The following NACA variants were observed in gnomAD, a reference collection of about 807,000 sequenced individuals.
NACA encodes the protein nascent polypeptide associated complex subunit alpha.
In NACA, 42 loss-of-function variants were observed where a neutral mutation model predicts 86.4. The ratio of observed to expected loss-of-function variants is 0.49; its 90% CI spans 0.38 to 0.63. The LOEUF (loss-of-function observed/expected upper bound fraction) is 0.63. Among genes scored for constraint, NACA ranks in the 20% least tolerant of loss-of-function variants. The pLI is 0.00. For synonymous variants in NACA, 898 were observed against 973.7 expected, an observed-to-expected ratio of 0.92 and a Z score of 1.45; for missense variants, 2,157 against 2,483.6, an observed-to-expected ratio of 0.87 and a Z score of 2.80.
chr12:56,712,996 T>C (rs939766615), intron 7 of NACA, 66 bp downstream of exon 7: 52 of 1,610,986 alleles, frequency 3.2e-5, no homozygotes, highest in Admixed American at 5.0e-5. Context: ...GTTTTTAATA[T>C]AGCTCACCAA....
At chr12:56,714,253 T>C (rs1167639300) in intron 5 of NACA, 109 bp downstream of exon 5, 4 of 1,150,068 alleles carry the variant, frequency 3.5e-6, no homozygotes, top group Non-Finnish European at 5.0e-6. Context: ...CTAGAGAACT[T>C]ACTTGTATAA....
chr12:56,722,000 T>A (rs1054622626), intron 2 of NACA, among the ~76,000 whole-genome samples: 16 of 152,220 alleles, frequency 1.1e-4, no homozygotes, highest in Non-Finnish European at 1.9e-4. Flanking sequence ...CTGAACTGAA[T>A]AAGAAAACAC....
rs1297992978 is a variant in NACA, at chr12:56,715,965, G to T, written c.5565C>A (p.Phe1855Leu). The T allele has an allele frequency of 1.3e-6, 2 of 1,554,832 alleles. No homozygotes were observed. Among genetic ancestry groups the T allele is most frequent in the East Asian group, 2.3e-5 (1 of 44,368 alleles). Reference sequence around the variant, plus strand: ...TGGGCATGTTGACGAGGACCGACTGGAAAGGCACTCCCCCAGAGATTGGTT... The same window carrying T: ...TGGGCATGTTGACGAGGACCGACTGTAAAGGCACTCCCCCAGAGATTGGTT... ...PPEPISGGVPFQSVLVNMPTP... is the reference protein window; with the variant it reads ...PPEPISGGVPLQSVLVNMPTP... The change falls in exon 3 of 9, where the codon TTC becomes TTA. Residue 1855 changes from phenylalanine (F) to leucine (L), a missense_variant. Coordinates refer to ENST00000454682, the MANE Select transcript of NACA (RefSeq NM_001365896.1).
rs1256857257 is a variant in NACA, at chr12:56,715,883, T to A, written c.5647A>T (p.Lys1883Ter). ...PTPSAKQPVT[K>*]NNKGSGTESD... is the part of the protein sequence containing the mutation. Reference sequence around the variant, plus strand: ...CCAAGGCAAATACCCTTGTTGTTCTTCGTAACAGGTTGCTTGGCAGAGGGG... The same window carrying A: ...CCAAGGCAAATACCCTTGTTGTTCTACGTAACAGGTTGCTTGGCAGAGGGG... Residue 1883 changes from lysine to a stop codon, truncating the protein, a stop_gained, in exon 3 of 9, where the codon AAG becomes TAG. Coordinates refer to ENST00000454682, the MANE Select transcript of NACA (RefSeq NM_001365896.1). LOFTEE classifies it high-confidence loss of function. The A allele has an allele frequency of 6.6e-7, 1 of 1,515,622 alleles. No individual in the cohort carries two copies. Among genetic ancestry groups the A allele is most frequent in the South Asian group, 1.3e-5 (1 of 74,984 alleles). 93.9% of individuals were successfully genotyped at this position (1,515,622 alleles called of 1,614,324 possible). A position where few individuals can be genotyped will look rare whatever the true frequency, so the allele number is the denominator to read the frequency against.
At chr12:56,724,759 C>T (rs1953666534) in intron 1 of NACA, 1 of 515,708 alleles carries the variant, frequency 1.9e-6, no homozygotes, top group Non-Finnish European at 3.5e-6. Flanking sequence ...GAGAGGATCC[C>T]GGGCTGGCTC....
chr12:56,721,274 A>T lies in NACA; in HGVS notation c.256T>A (p.Ser86Thr). Residue 86 changes from serine to threonine, a missense_variant, in exon 3 of 9, where the codon TCC becomes ACC. Ser to Thr is a moderately conservative substitution (Grantham distance 58). Around this residue, in one of 8 missense-constraint regions of NACA, gnomAD observed 947 missense variants for 917.9 expected, o/e 1.03. Coordinates refer to ENST00000454682, the MANE Select transcript of NACA (RefSeq NM_001365896.1). Reference protein sequence around the residue: ...TPLEVPFPQSSSGTALPLGTA... With the variant: ...TPLEVPFPQSTSGTALPLGTA... ...CCCAAAGGTAGGGCTGTTCCAGAGG[A>T]TGACTGGGGAAAAGGAACTTCTAAA... 6.2e-7 allele frequency: 1 copy of T among 1,612,928 alleles called. No individual in the cohort carries two copies. The highest frequency in any genetic ancestry group is 8.5e-7 in the Non-Finnish European group (1 of 1,179,460).
At chr12:56,723,379 T>C (rs1953624293) in intron 2 of NACA, among the ~76,000 whole-genome samples, 1 of 152,236 alleles carries the variant, frequency 6.6e-6, no homozygotes, top group South Asian at 2.1e-4. Flanking sequence ...ATTTGTAAAA[T>C]TAAGTTGTTC....
rs751196720 is a variant in NACA, at chr12:56,721,076, CAG to C, written c.452_453del (p.Ser151CysfsTer5). ...ALAPHSVQKS[S>X]AFPPNLLTSP... Reference sequence around the variant, plus strand: ...GAAGTAAGAAGGTTAGGTGGAAAAGCAGAACTCTTCTGAACTGAGTGGGGAGC... The same window carrying C: ...GAAGTAAGAAGGTTAGGTGGAAAAGCAACTCTTCTGAACTGAGTGGGGAGC... On this transcript the variant is annotated frameshift_variant, in exon 3 of 9. Coordinates refer to ENST00000454682, the MANE Select transcript of NACA (RefSeq NM_001365896.1). LOFTEE classifies it high-confidence loss of function. 2.5e-6 allele frequency: 4 copies of C among 1,613,780 alleles called. No individual in the cohort carries two copies. The African/African-American group carries it at 5.3e-5, about 22-fold the overall frequency.
At chr12:56,724,200 G>A (rs1428578137) in intron 2 of NACA, among the ~76,000 whole-genome samples, 2 of 152,180 alleles carry the variant, frequency 1.3e-5, no homozygotes, top group East Asian at 1.9e-4. Context: ...CCACAGGAGA[G>A]CTTCTTTTGA....
rs369653107 is a variant in NACA at position 56,718,972 on chromosome 12, G to A, written c.2558C>T (p.Thr853Met). 2.8e-5 allele frequency: 40 copies of A among 1,447,210 alleles called. No individual in the cohort carries two copies. Among genetic ancestry groups the A allele is most frequent in the African/African-American group, 1.1e-4 (8 of 71,606 alleles). The allele number at this position is 1,447,210 out of a possible 1,614,324, so 89.6% of individuals were successfully genotyped here. ...FQGSKDSPAT[T>M]HSPTPPSPKG... ...GGGGGATGGAGGAGTGGGAGAATGCGTCGTGGCTGGTGAGTCTTTAGAGCC... is the reference window on the plus strand; with the variant it reads ...GGGGGATGGAGGAGTGGGAGAATGCATCGTGGCTGGTGAGTCTTTAGAGCC... Residue 853 changes from threonine (T) to methionine (M), a missense_variant, in exon 3 of 9, where the codon ACG (threonine) becomes ATG (methionine). Physicochemically the swap from Thr to Met is moderately conservative, Grantham distance 81 (BLOSUM62 -1). Around this residue, in one of 8 missense-constraint regions of NACA, gnomAD observed 174 missense variants for 217.0 expected, o/e 0.80. Coordinates refer to ENST00000454682, the MANE Select transcript of NACA (RefSeq NM_001365896.1).
chr12:56,724,227 T>C (rs1045268836), intron 2 of NACA, among the ~76,000 whole-genome samples: 5 of 152,108 alleles, frequency 3.3e-5, no homozygotes, highest in Non-Finnish European at 5.9e-5. Context: ...AGGCATAACA[T>C]AGAAAGCAAG....
intron 6 of NACA, 63 bp downstream of exon 6, chr12:56,713,474 T>C: frequency 1.3e-6 from 2 of 1,564,044 alleles, no homozygotes; most frequent in African/African-American, 1.4e-5. Context: ...TGACGCAAAA[T>C]GTCAGCAGTG....
rs559590703 is a variant in NACA at position 56,714,688 on chromosome 12, C to G, written c.5660-1G>C. The G allele has an allele frequency of 6.2e-7, 1 of 1,614,008 alleles. No individual in the cohort carries two copies. Among genetic ancestry groups the G allele is most frequent in the Admixed American group, 1.7e-5 (1 of 60,002 alleles). On this transcript the variant is annotated splice_acceptor_variant, in intron 3 of 8. Coordinates refer to ENST00000454682, the MANE Select transcript of NACA (RefSeq NM_001365896.1). LOFTEE classifies it high-confidence loss of function. ...TCACTGTCAGATTCTGTTCCAGACC[C>G]TAAGATGAGAAACAACTTTTACTGC...
Position 56,721,477 on chromosome 12 carries a change from G to T in NACA, c.71-18C>A, listed in dbSNP as rs371710098. ...TAGCACAGCTGGAGAAAGGCAAAAG[G>T]AGATAAAGAAAGGGGGAGGGGGAGG... On this transcript the variant is annotated intron_variant, in intron 2 of 8. Coordinates refer to ENST00000454682, the MANE Select transcript of NACA (RefSeq NM_001365896.1). The T allele has an allele frequency of 7.0e-5, 100 of 1,434,838 alleles. No individual in the cohort carries two copies. The African/African-American group carries it at 1.2e-3, about 17-fold the overall frequency. 88.9% of individuals were successfully genotyped at this position (1,434,838 alleles called of 1,614,324 possible). A position where few individuals can be genotyped will look rare whatever the true frequency, so the allele number is the denominator to read the frequency against.
rs765468257 is a variant in NACA, at chr12:56,721,078, G to A, written c.452C>T (p.Ser151Phe). 19 of 1,613,814 alleles carry A rather than the reference G, an allele frequency of 1.2e-5. No homozygotes were observed. The Admixed American group carries it at 3.2e-4, about 27-fold the overall frequency. Reference protein sequence around the residue: ...ALAPHSVQKSSAFPPNLLTSP... With the variant: ...ALAPHSVQKSFAFPPNLLTSP... ...AGTAAGAAGGTTAGGTGGAAAAGCA[G>A]AACTCTTCTGAACTGAGTGGGGAGC... Residue 151 changes from serine to phenylalanine, a missense_variant, in exon 3 of 9, where the codon TCT (serine) becomes TTT (phenylalanine). This residue lies in a region of NACA where 947 missense variants were observed against 917.9 expected (regional missense o/e 1.03). Coordinates refer to ENST00000454682, the MANE Select transcript of NACA (RefSeq NM_001365896.1).
Position 56,719,946 on chromosome 12 carries a change from T to C in NACA, c.1584A>G (p.Thr528=), listed in dbSNP as rs1218426339. The C allele has an allele frequency of 6.2e-7, 1 of 1,613,738 alleles. No homozygotes were observed. The highest frequency in any genetic ancestry group is 8.5e-7 in the Non-Finnish European group (1 of 1,179,866). ...LPSSVLVKFP[T]QKDLQTVPAS... Reference sequence around the variant, plus strand: ...CAGGTACAGTTTGGAGGTCTTTTTGTGTTGGAAATTTAACCAATACTGAAC... The same window carrying C: ...CAGGTACAGTTTGGAGGTCTTTTTGCGTTGGAAATTTAACCAATACTGAAC... Residue 528 remains threonine, a synonymous_variant, in exon 3 of 9, where the codon ACA becomes ACG. Transcript: ENST00000454682.
In NACA at chr12:56,717,005, T is replaced by A. The variant is rs1157501189; in HGVS notation, c.4525A>T (p.Ile1509Phe). 1.6e-6 allele frequency: 2 copies of A among 1,261,324 alleles called. No individual in the cohort carries two copies. The highest frequency in any genetic ancestry group is 1.7e-5 in the South Asian group (1 of 58,036). 78.1% of individuals were successfully genotyped at this position (1,261,324 alleles called of 1,614,324 possible). A position where few individuals can be genotyped will look rare whatever the true frequency, so the allele number is the denominator to read the frequency against. The change falls in exon 3 of 9, where the codon ATT (isoleucine) becomes TTT (phenylalanine). Residue 1509 changes from isoleucine to phenylalanine, a missense_variant. Around this residue, in one of 8 missense-constraint regions of NACA, gnomAD observed 797 missense variants for 777.6 expected, o/e 1.02. Coordinates refer to ENST00000454682, the MANE Select transcript of NACA (RefSeq NM_001365896.1). ...GGGACCTCTTTGGGGGAAGAAGGAA[T>A]CACAGCTGGCAGAGTGGGGGCCCCC... ...PMGAPTLPAV[I>F]PSSPKEVPAT...
At position 56,720,799 on chromosome 12, in the gene NACA, G is replaced by A. The variant is rs1439759105; in HGVS notation, c.731C>T (p.Pro244Leu). 1.2e-6 allele frequency: 2 copies of A among 1,613,870 alleles called. No homozygotes were observed. Among genetic ancestry groups the A allele is most frequent in the African/African-American group, 2.7e-5 (2 of 74,904 alleles). The change falls in exon 3 of 9, where the codon CCT becomes CTT. Residue 244 changes from proline to leucine, a missense_variant. Around this residue, in one of 8 missense-constraint regions of NACA, gnomAD observed 947 missense variants for 917.9 expected, o/e 1.03. Coordinates refer to ENST00000454682, the MANE Select transcript of NACA (RefSeq NM_001365896.1). The stretch of plus-strand genomic sequence containing the variant: ...GGAAATGGTGGTATCTTTGACTTGA[G>A]GGGAAGCGATGGCTAGGGTAGTTGT... Reference protein sequence around the residue: ...TPTTTLAIASPQVKDTTISSV... With the variant: ...TPTTTLAIASLQVKDTTISSV...
In NACA at chr12:56,719,187, T is replaced by C. The variant is rs1953497259; in HGVS notation, c.2343A>G (p.Ala781=). 6.8e-7 allele frequency: 1 copy of C among 1,476,794 alleles called. No homozygotes were observed. The highest frequency in any genetic ancestry group is 9.2e-7 in the Non-Finnish European group (1 of 1,091,512). 91.5% of individuals were successfully genotyped at this position (1,476,794 alleles called of 1,614,324 possible). ...PTEDSGASAT[A]SSKGTLTYLA... is the part of the protein sequence containing the mutation. ...GGTAAGTCAGAGTTCCTTTGGAAGA[T>C]GCAGTAGCAGAAGCACCAGAGTCCT... The change falls in exon 3 of 9, where the codon GCA becomes GCG. Residue 781 remains alanine (A), a synonymous_variant. Coordinates refer to ENST00000454682, the MANE Select transcript of NACA (RefSeq NM_001365896.1).
Sources: gnomAD v4.1 joint callset for allele counts (sites outside exome capture counted in the v4.1 genomes callset) on GRCh38, gnomAD v4.1.1 for gene constraint, gnomAD v4.1.1 regional missense constraint, MANE v1.5 for transcripts, NCBI Gene and HGNC (gene_info 2026-07-23, HGNC 2026-07-21) for gene names.